Variants in KIAA1328 observed in about 807,000 individuals in gnomAD.
The protein encoded by KIAA1328 is KIAA1328.
Under a neutral mutation model 68.1 loss-of-function variants are expected in KIAA1328, and 52 were observed. The observed-to-expected ratio is 0.76, with a 90% CI of 0.61 to 0.96. KIAA1328 has a LOEUF of 0.96. Among genes scored for constraint, KIAA1328 ranks in the 40% least tolerant of loss-of-function variants. The pLI, the probability that KIAA1328 is intolerant of heterozygous loss-of-function variation, is 0.00. For synonymous variants in KIAA1328, 232 were observed against 239.4 expected, an observed-to-expected ratio of 0.97 and a Z score of 0.28; for missense variants, 641 against 677.6, an observed-to-expected ratio of 0.95 and a Z score of 0.60.
intron 7 of KIAA1328, among the ~76,000 whole-genome samples, chr18:37,086,304 T>C (rs1341689016): frequency 6.6e-6 from 1 of 152,214 alleles, no homozygotes; most frequent in African/African-American, 2.4e-5. Flanking sequence ...CATTTTGCAA[T>C]GAATACATAC....
intron 6 of KIAA1328, among the ~76,000 whole-genome samples, chr18:37,049,978 T>A (rs2055625545): frequency 6.6e-6 from 1 of 152,200 alleles, no homozygotes; most frequent in South Asian, 2.1e-4. Context: ...GCAGATAGTG[T>A]TAATTTTATG....
intron 6 of KIAA1328, among the ~76,000 whole-genome samples, chr18:36,995,603 A>G (rs1172279808): frequency 6.6e-6 from 1 of 152,220 alleles, no homozygotes; most frequent in Admixed American, 6.5e-5. Context: ...AAAAAATTCA[A>G]CAGAGAAGAA....
chr18:37,006,066 G>A (rs1268976489), intron 6 of KIAA1328, among the ~76,000 whole-genome samples: 1 of 151,868 alleles, frequency 6.6e-6, no homozygotes, highest in East Asian at 1.9e-4. Context: ...TAACAAAAAT[G>A]TATTGTAATC....
Position 37,081,055 on chromosome 18 carries a change from A to T in KIAA1328, c.1232+13510A>T, listed in dbSNP as rs1167392588. Among the ~76,000 whole-genome samples, 5 of 151,932 alleles carry T rather than the reference A, an allele frequency of 3.3e-5. No individual in the cohort carries two copies. The East Asian group carries it at 9.9e-4, about 30-fold the overall frequency. On this transcript the variant is annotated intron_variant, in intron 7 of 9. Coordinates refer to ENST00000280020, the MANE Select transcript of KIAA1328 (RefSeq NM_020776.3). ...GAGTGCAGTGGCGTGATCTCGACTC[A>T]CTGCAACCTCTGGCTCCCAGGTTCA... is the stretch of plus-strand genomic sequence containing the variant.
intron 5 of KIAA1328, among the ~76,000 whole-genome samples, chr18:36,950,284 A>G (rs1171092635): frequency 6.6e-6 from 1 of 152,236 alleles, no homozygotes; most frequent in African/African-American, 2.4e-5. Flanking sequence ...TCAATATTTT[A>G]AGCATCTTCT....
intron 6 of KIAA1328, among the ~76,000 whole-genome samples, chr18:36,982,668 C>G (rs1231896747): frequency 6.6e-6 from 1 of 151,794 alleles, no homozygotes; most frequent in Non-Finnish European, 1.5e-5. Flanking sequence ...GAAAATTATA[C>G]CAGATGGAAA....
intron 9 of KIAA1328, among the ~76,000 whole-genome samples, chr18:37,220,572 A>AT (rs2060538869): frequency 6.6e-6 from 1 of 152,130 alleles, no homozygotes; most frequent in Non-Finnish European, 1.5e-5. Context: ...CTTCATTGTA[A>AT]TGTCCACGTG....
At chr18:37,145,190 G>A (rs1231334904) in intron 7 of KIAA1328, among the ~76,000 whole-genome samples, 1 of 151,890 alleles carries the variant, frequency 6.6e-6, no homozygotes, top group East Asian at 1.9e-4. Flanking sequence ...GGGCAACAGG[G>A]TGAGAATCAG....
rs72885283 is a variant in KIAA1328 at position 36,862,068 on chromosome 18, G to C, written c.332+17766G>C. The stretch of plus-strand genomic sequence containing the variant: ...AACTTTTTGTTTTGAGATAATTGTA[G>C]ATTCACCTGCAGTTGTTAGAAATAA... On this transcript the variant is annotated intron_variant, in intron 4 of 9. Coordinates refer to ENST00000280020, the MANE Select transcript of KIAA1328 (RefSeq NM_020776.3). Among the ~76,000 whole-genome samples the C allele has an allele frequency of 1.7e-3, 264 of 152,254 alleles. 2 individuals carry two copies. The highest frequency in any genetic ancestry group is 2.2e-3 in the Non-Finnish European group (151 of 68,016).
chr18:36,867,142 T>A (rs2047781472), intron 4 of KIAA1328, among the ~76,000 whole-genome samples: 1 of 152,152 alleles, frequency 6.6e-6, no homozygotes, highest in African/African-American at 2.4e-5. Flanking sequence ...GATTGGATCA[T>A]GGGGGTGGAT....
chr18:36,928,348 G>A (rs2050195522), intron 5 of KIAA1328, among the ~76,000 whole-genome samples: 1 of 152,078 alleles, frequency 6.6e-6, no homozygotes, highest in African/African-American at 2.4e-5. Flanking sequence ...TTCAAGTCCT[G>A]GTTCTATGGC....
intron 4 of KIAA1328, among the ~76,000 whole-genome samples, chr18:36,860,650 A>T (rs2047535198): frequency 5.9e-5 from 9 of 152,180 alleles, no homozygotes. Flanking sequence ...GTGTGTTTAC[A>T]TGTATATTTA....
chr18:36,969,982 A>C (rs1009447549), intron 6 of KIAA1328, among the ~76,000 whole-genome samples: 1 of 152,196 alleles, frequency 6.6e-6, no homozygotes, highest in African/African-American at 2.4e-5. Flanking sequence ...CCTGATACCA[A>C]AACCTGGCAG....
chr18:37,034,903 A>G (rs530318367), intron 6 of KIAA1328, among the ~76,000 whole-genome samples: 1 of 152,326 alleles, frequency 6.6e-6, no homozygotes, highest in East Asian at 1.9e-4. Flanking sequence ...AGTAATGGAT[A>G]TAAAATGTGA....
At chr18:37,064,531 A>C in intron 6 of KIAA1328, among the ~76,000 whole-genome samples, 1 of 134,528 alleles carries the variant, frequency 7.4e-6, no homozygotes, top group African/African-American at 2.8e-5. Context: ...TGGTAGACTG[A>C]AAGTACCCCC....
chr18:37,108,594 G>A (rs140043038), intron 7 of KIAA1328, among the ~76,000 whole-genome samples: 298 of 152,000 alleles, frequency 2.0e-3, no homozygotes, highest in Non-Finnish European at 3.6e-3. Flanking sequence ...ATCAACTTAC[G>A]CATTTTTTCA....
Position 37,183,304 on chromosome 18 carries a change from A to T in KIAA1328, c.1523+10223A>T, listed in dbSNP as rs2059732837. ...TTCCCTTCAGAGCAGTGGTTCTAAA[A>T]TCTGCTTGCATATTGGAATCACTTA... On this transcript the variant is annotated intron_variant, in intron 9 of 9. Coordinates refer to ENST00000280020, the MANE Select transcript of KIAA1328 (RefSeq NM_020776.3). Among the ~76,000 whole-genome samples the T allele has an allele frequency of 2.0e-5, 3 of 152,302 alleles. No individual in the cohort carries two copies. In the South Asian group the frequency reaches 6.2e-4, roughly 32 times the overall value.
At chr18:36,959,022 G>A (rs114788977) in intron 5 of KIAA1328, among the ~76,000 whole-genome samples, 20 of 151,634 alleles carry the variant, frequency 1.3e-4, no homozygotes, top group African/African-American at 4.8e-4. Flanking sequence ...GTGAGGTAGG[G>A]GTTCCTTTGC....
chr18:36,897,428 T>C (rs1003119213), intron 5 of KIAA1328, among the ~76,000 whole-genome samples: 2 of 152,090 alleles, frequency 1.3e-5, no homozygotes, highest in African/African-American at 2.4e-5. Flanking sequence ...GTTGTATCTA[T>C]GAGACTTTGT....
Sources: allele counts gnomAD v4.1 joint callset (sites outside exome capture counted in the v4.1 genomes callset), GRCh38; gene constraint gnomAD v4.1.1; transcripts MANE v1.5; gene names NCBI Gene and HGNC (gene_info 2026-07-23, HGNC 2026-07-21).